The following EPB41L4A variants were observed in gnomAD, a reference collection of about 807,000 sequenced individuals.
EPB41L4A encodes erythrocyte membrane protein band 4.1 like 4A.
In EPB41L4A, 100 loss-of-function variants were observed where a neutral mutation model predicts 108.6. That is an observed-to-expected ratio of 0.92 (90% confidence interval 0.78 to 1.09). EPB41L4A has a LOEUF of 1.09. Ranked by LOEUF, EPB41L4A falls within the 50% of genes least tolerant of loss-of-function variation. The probability of loss-of-function intolerance (pLI) is 0.00; values close to 1 mark genes in which losing one functional copy is unlikely to be tolerated. For missense variants in EPB41L4A, 1,030 were observed against 842.7 expected, an observed-to-expected ratio of 1.22 and a Z score of -2.75; for synonymous variants, 319 against 289.0, an observed-to-expected ratio of 1.10 and a Z score of -1.05.
At chr5:112,401,626 G>C (rs923628968) in intron 1 of EPB41L4A, among the ~76,000 whole-genome samples, 1 of 152,130 alleles carries the variant, frequency 6.6e-6, no homozygotes, top group Non-Finnish European at 1.5e-5. Flanking sequence ...AAAAATTATA[G>C]CTATTTCCAA....
chr5:112,154,515 A>G (rs1278340463), intron 12 of EPB41L4A, among the ~76,000 whole-genome samples: 1 of 152,158 alleles, frequency 6.6e-6, no homozygotes. Context: ...TTTTTTCTTC[A>G]ATACTCTTTT....
intron 1 of EPB41L4A, among the ~76,000 whole-genome samples, chr5:112,411,352 T>C (rs1022110770): frequency 2.0e-5 from 3 of 151,918 alleles, no homozygotes; most frequent in Admixed American, 6.6e-5. Flanking sequence ...TATATATGAA[T>C]ATCAAATCAC....
In EPB41L4A at chr5:112,347,499, A is replaced by G. The variant is rs146408618; in HGVS notation, c.100-40009T>C. On this transcript the variant is annotated intron_variant, in intron 1 of 22. Transcript: ENST00000261486. ...TCACTCCCCCACAATTCCATATACT[A>G]TGGGCATGACTTTCCAAGCATCTCA... Among the ~76,000 whole-genome samples, 17 of 152,250 alleles carry G rather than the reference A, an allele frequency of 1.1e-4. No homozygotes were observed. In the East Asian group the frequency reaches 3.3e-3, roughly 29 times the overall value.
At chr5:112,334,077 T>C (rs1756766236) in intron 1 of EPB41L4A, among the ~76,000 whole-genome samples, 1 of 152,166 alleles carries the variant, frequency 6.6e-6, no homozygotes, top group Non-Finnish European at 1.5e-5. Context: ...TGTGCCTTAT[T>C]ATACGCTCCT....
At chr5:112,162,363 T>C (rs768170726), downstream of EPB41L4A, 2 of 152,172 alleles carry the variant, frequency 1.3e-5, no homozygotes, top group African/African-American at 2.4e-5. Context: ...TTCTAAAAAG[T>C]TATAAGGGAG....
intron 1 of EPB41L4A, among the ~76,000 whole-genome samples, chr5:112,312,494 T>C (rs138603347): frequency 1.3e-5 from 2 of 152,222 alleles, no homozygotes; most frequent in Non-Finnish European, 2.9e-5. Flanking sequence ...GCTTTCTGTA[T>C]AGTGCAGGTG....
chr5:112,357,469 T>A (rs777273850), intron 1 of EPB41L4A, among the ~76,000 whole-genome samples: 2 of 152,242 alleles, frequency 1.3e-5, no homozygotes, highest in African/African-American at 4.8e-5. Context: ...ACTCCTAGCA[T>A]ACAACCACAC....
At chr5:112,261,939 A>C (rs2150444135) in intron 7 of EPB41L4A, among the ~76,000 whole-genome samples, 1 of 129,740 alleles carries the variant, frequency 7.7e-6, no homozygotes, top group Non-Finnish European at 1.5e-5. Flanking sequence ...GCCAGGCTGG[A>C]GTGCAGTGGC....
chr5:112,286,768 G>T (rs911943041), intron 2 of EPB41L4A, among the ~76,000 whole-genome samples: 2 of 151,866 alleles, frequency 1.3e-5, no homozygotes, highest in African/African-American at 4.8e-5. Flanking sequence ...TGGAAGAATG[G>T]TGGCTTTATT....
intron 13 of EPB41L4A, among the ~76,000 whole-genome samples, chr5:112,208,244 C>CAAAAAAAAA (rs68152475): frequency 6.0e-4 from 51 of 85,074 alleles, no homozygotes; most frequent in Middle Eastern, 8.3e-3. Flanking sequence ...GACTCCATCT[C>CAAAAAAAAA]AAAAAAAAAA....
At chr5:112,312,278 A>T (rs1025870292) in intron 1 of EPB41L4A, among the ~76,000 whole-genome samples, 61 of 152,312 alleles carry the variant, frequency 4.0e-4, no homozygotes, top group African/African-American at 1.4e-3. Context: ...TTCCAAAATG[A>T]TCATTCCCAA....
At chr5:112,231,955 T>C (rs1229362291) in intron 12 of EPB41L4A, among the ~76,000 whole-genome samples, 2 of 145,340 alleles carry the variant, frequency 1.4e-5, no homozygotes, top group Admixed American at 6.8e-5. Context: ...AAATAAAAGA[T>C]TAAAAAAACA....
chr5:112,395,235 A>G (rs557425286), intron 1 of EPB41L4A, among the ~76,000 whole-genome samples: 127 of 152,366 alleles, frequency 8.3e-4, no homozygotes, highest in African/African-American at 3.0e-3. Flanking sequence ...AAAAGCCAAA[A>G]TTGACAAATG....
At chr5:112,408,853 T>G (rs1580853412) in intron 1 of EPB41L4A, among the ~76,000 whole-genome samples, 1 of 151,996 alleles carries the variant, frequency 6.6e-6, no homozygotes, top group East Asian at 1.9e-4. Flanking sequence ...CTGGTGAGAA[T>G]GTGGAGAAAT....
intron 1 of EPB41L4A, among the ~76,000 whole-genome samples, chr5:112,349,053 T>G (rs768527471): frequency 1.4e-4 from 22 of 151,970 alleles, no homozygotes; most frequent in African/African-American, 4.4e-4. Context: ...CCCAGGAAAG[T>G]AGGAGTAGCC....
At chr5:112,229,842 G>T (rs193290049) in intron 12 of EPB41L4A, among the ~76,000 whole-genome samples, 1 of 152,024 alleles carries the variant, frequency 6.6e-6, no homozygotes, top group East Asian at 1.9e-4. Context: ...CAAAAAGTTA[G>T]CCAGGCATGG....
At chr5:112,160,218 A>C (rs913084451), downstream of EPB41L4A, among the ~76,000 whole-genome samples, 4 of 151,964 alleles carry the variant, frequency 2.6e-5, no homozygotes, top group Non-Finnish European at 5.9e-5. Context: ...CGTTCTTTTC[A>C]CATTTTATGT....
intron 1 of EPB41L4A, among the ~76,000 whole-genome samples, chr5:112,326,252 G>A (rs1035006760): frequency 1.1e-4 from 16 of 151,980 alleles, no homozygotes; most frequent in African/African-American, 3.9e-4. Flanking sequence ...ATCAGGTGGA[G>A]GGTCGGTGCC....
At chr5:112,300,281 G>C (rs1475805784) in intron 2 of EPB41L4A, among the ~76,000 whole-genome samples, 1 of 152,104 alleles carries the variant, frequency 6.6e-6, no homozygotes, top group Non-Finnish European at 1.5e-5. Context: ...TGTTACTGAT[G>C]TGTTTTCAGG....
Sources: allele counts gnomAD v4.1 joint callset (sites outside exome capture counted in the v4.1 genomes callset), GRCh38; gene constraint gnomAD v4.1.1; transcripts MANE v1.5; gene names NCBI Gene and HGNC (gene_info 2026-07-23, HGNC 2026-07-21).